SCAPER: variants seen among roughly 807,000 people sequenced by gnomAD.
SCAPER encodes the protein S phase cyclin A-associated protein in the endoplasmic reticulum.
Under a neutral mutation model 182.2 loss-of-function variants are expected in SCAPER, and 98 were observed. The ratio of observed to expected loss-of-function variants is 0.54; its 90% confidence interval spans 0.46 to 0.64. The LOEUF (loss-of-function observed/expected upper bound fraction) is 0.64. SCAPER is among the 30% of genes least tolerant of loss of function. The pLI, the probability that SCAPER is intolerant of heterozygous loss-of-function variation, is 0.00. For missense variants in SCAPER, 1,432 were observed against 1,690.0 expected (o/e 0.85, Z 2.68); for synonymous variants, 605 against 564.6 (o/e 1.07, Z -1.01).
chr15:76,518,550 G>A (rs140771869), intron 23 of SCAPER, among the ~76,000 whole-genome samples: 1 of 152,124 alleles, frequency 6.6e-6, no homozygotes, highest in Non-Finnish European at 1.5e-5. Flanking sequence ...CAGGGGCAGG[G>A]TTTTCTCAGA....
intron 25 of SCAPER, among the ~76,000 whole-genome samples, chr15:76,465,278 C>T (rs1273185487): frequency 6.6e-6 from 1 of 152,054 alleles, no homozygotes; most frequent in Admixed American, 6.6e-5. Context: ...AGGCGCTTTC[C>T]AGCTGTGACC....
At chr15:76,417,889 G>A (rs755298900) in intron 26 of SCAPER, among the ~76,000 whole-genome samples, 25 of 152,082 alleles carry the variant, frequency 1.6e-4, no homozygotes, top group South Asian at 6.2e-4. Flanking sequence ...GTGGTGGTGC[G>A]CGCCTATAGT....
At chr15:76,788,210 CAA>C (rs2064756159) in intron 8 of SCAPER, among the ~76,000 whole-genome samples, 1 of 151,946 alleles carries the variant, frequency 6.6e-6, no homozygotes, top group Non-Finnish European at 1.5e-5. Context: ...TACGGGATAG[CAA>C]AAAGTGTATG....
At chr15:76,808,818 G>A (rs553876437) in intron 5 of SCAPER, among the ~76,000 whole-genome samples, 1 of 152,290 alleles carries the variant, frequency 6.6e-6, no homozygotes, top group Non-Finnish European at 1.5e-5. Context: ...AAAGTACAAA[G>A]CAATGGGTCA....
chr15:76,404,454 C>G, intron 27 of SCAPER, 70 bp downstream of exon 27: 1 of 1,481,042 alleles, frequency 6.8e-7, no homozygotes, highest in Non-Finnish European at 9.1e-7. Context: ...ATGAAATGAC[C>G]CTAGAATGGG....
At chr15:76,456,744 T>C (rs1010545913) in intron 25 of SCAPER, among the ~76,000 whole-genome samples, 10 of 152,208 alleles carry the variant, frequency 6.6e-5, no homozygotes, top group African/African-American at 1.7e-4. Context: ...AAATTGTTTC[T>C]TTCTCCCTTA....
At chr15:76,580,632 A>G (rs2048200667) in intron 22 of SCAPER, among the ~76,000 whole-genome samples, 2 of 152,130 alleles carry the variant, frequency 1.3e-5, no homozygotes, top group Non-Finnish European at 2.9e-5. Context: ...TGGAAACATA[A>G]CATAACAAGA....
chr15:76,572,176 T>C (rs1033517554), intron 23 of SCAPER, among the ~76,000 whole-genome samples: 3 of 152,224 alleles, frequency 2.0e-5, no homozygotes, highest in Admixed American at 6.6e-5. Flanking sequence ...TACTTTCTTA[T>C]ATAGATCATT....
intron 4 of SCAPER, among the ~76,000 whole-genome samples, 156 bp from the exon 5 acceptor site, chr15:76,842,087 T>C (rs2069533095): frequency 6.6e-6 from 1 of 152,248 alleles, no homozygotes. Context: ...ATCATTATTC[T>C]CTAAACAATA....
chr15:76,448,223 ACT>A (rs1213186474), intron 25 of SCAPER, among the ~76,000 whole-genome samples: 2 of 152,148 alleles, frequency 1.3e-5, no homozygotes, highest in African/African-American at 4.8e-5. Context: ...TTGAAAAATG[ACT>A]CATCACAATA....
intron 4 of SCAPER, among the ~76,000 whole-genome samples, chr15:76,851,183 G>A (rs2070720533): frequency 2.0e-5 from 3 of 152,024 alleles, no homozygotes; most frequent in Non-Finnish European, 2.9e-5. Context: ...AGAACTGTGG[G>A]ATTGTGTAAA....
At position 76,859,361 on chromosome 15, in the gene SCAPER, C is replaced by T. The variant is rs1291983638; in HGVS notation, c.125-1482G>A. Among the ~76,000 whole-genome samples, 13 of 152,278 alleles carry T rather than the reference C, an allele frequency of 8.5e-5. 1 individual carries two copies. The East Asian group carries it at 2.5e-3, about 29-fold the overall frequency. ...ACATCCTTTAATTATAAAAAACAAT[C>T]TACCAGCAAGTTTTCTTAGAATATC... On this transcript the variant is annotated intron_variant, in intron 3 of 31. Coordinates refer to ENST00000563290, the MANE Select transcript of SCAPER (RefSeq NM_020843.4).
rs115766856 is a variant in SCAPER, at chr15:76,787,473, C to T, written c.772+7807G>A. Among the ~76,000 whole-genome samples the T allele has an allele frequency of 8.1e-3, 1,236 of 152,282 alleles. 14 individuals carry two copies. Among genetic ancestry groups the T allele is most frequent in the African/African-American group, 0.028 (1,172 of 41,540 alleles). On this transcript the variant is annotated intron_variant, in intron 8 of 31. Transcript: ENST00000563290. ...TCCAGAGCAGCTGGGACCACAAACA[C>T]ATGCCACCACGCCCAGCTAATTTTT...
intron 17 of SCAPER, among the ~76,000 whole-genome samples, chr15:76,708,670 C>T (rs1331489021): frequency 6.6e-6 from 1 of 151,992 alleles, no homozygotes; most frequent in East Asian, 1.9e-4. Context: ...CATAGAAATG[C>T]AATGAAACCA....
At chr15:76,366,462 C>T (rs975052028) in intron 29 of SCAPER, among the ~76,000 whole-genome samples, 1 of 152,194 alleles carries the variant, frequency 6.6e-6, no homozygotes, top group Non-Finnish European at 1.5e-5. Context: ...ATATAATAGT[C>T]ATCAAATCTT....
chr15:76,427,877 G>C (rs2046548518), intron 26 of SCAPER, among the ~76,000 whole-genome samples: 1 of 150,902 alleles, frequency 6.6e-6, no homozygotes, highest in Non-Finnish European at 1.5e-5. Flanking sequence ...AGGTTGCAGT[G>C]AGCTGAGATC....
At chr15:76,856,485 T>C (rs2071390706) in intron 4 of SCAPER, among the ~76,000 whole-genome samples, 2 of 150,892 alleles carry the variant, frequency 1.3e-5, no homozygotes. Context: ...TATAAGTATA[T>C]ATTTTTATAT....
At chr15:76,420,741 G>T (rs1440017592) in intron 26 of SCAPER, among the ~76,000 whole-genome samples, 3 of 152,020 alleles carry the variant, frequency 2.0e-5, no homozygotes, top group East Asian at 3.9e-4. Flanking sequence ...ATTTACATTC[G>T]GTATATCTCC....
Position 76,667,702 on chromosome 15 carries a change from C to A in SCAPER, c.2509-1913G>T, listed in dbSNP as rs566559602. On this transcript the variant is annotated intron_variant, in intron 20 of 31. Coordinates refer to ENST00000563290, the MANE Select transcript of SCAPER (RefSeq NM_020843.4). The stretch of plus-strand genomic sequence containing the variant: ...AACAGCAGCTCAACACCTGTAATCC[C>A]AAAACTTTGGGAAGCCAAGGTGGGA... Among the ~76,000 whole-genome samples, 10 of 141,136 alleles carry A rather than the reference C, an allele frequency of 7.1e-5. No homozygotes were observed. The South Asian group carries it at 2.3e-3, about 32-fold the overall frequency. The allele number at this position is 141,136 out of a possible 152,430, so 92.6% of individuals were successfully genotyped here.
Sources: allele counts gnomAD v4.1 joint callset (sites outside exome capture counted in the v4.1 genomes callset), GRCh38; gene constraint gnomAD v4.1.1; transcripts MANE v1.5; gene names NCBI Gene and HGNC (gene_info 2026-07-23, HGNC 2026-07-21).